The following UHRF1 variants were observed in gnomAD, a reference collection of about 807,000 sequenced individuals.
UHRF1 encodes ubiquitin like with PHD and ring finger domains 1, also known as E3 ubiquitin-protein ligase UHRF1.
UHRF1 carries 9 observed loss-of-function variants against 96.5 expected under a neutral mutation model. The observed-to-expected ratio is 0.09, with a 90% CI of 0.06 to 0.16. The LOEUF is 0.16. Among genes scored for constraint, UHRF1 ranks in the 10% least tolerant of loss-of-function variants. UHRF1 has a pLI of 1.00. For missense variants in UHRF1, 626 were observed against 1,131.1 expected, an observed-to-expected ratio of 0.55 and a Z score of 6.40; for synonymous variants, 455 against 469.9, an observed-to-expected ratio of 0.97 and a Z score of 0.41.
intron 16 of UHRF1, among the ~76,000 whole-genome samples, chr19:4,959,912 G>C (rs2033947269): frequency 6.6e-6 from 1 of 152,218 alleles, no homozygotes; most frequent in African/African-American, 2.4e-5. Context: ...CCAGGCTGGA[G>C]TGCAATGGCG....
chr19:4,953,167 A>G (rs2145209146), intron 13 of UHRF1, among the ~76,000 whole-genome samples: 1 of 152,208 alleles, frequency 6.6e-6, no homozygotes, highest in East Asian at 1.9e-4. Context: ...TCTTGTTCGT[A>G]GTGAAGCTTT....
At chr19:4,939,835 A>C (rs2602720) in intron 5 of UHRF1, among the ~76,000 whole-genome samples, 22 of 151,982 alleles carry the variant, frequency 1.4e-4, no homozygotes, top group Admixed American at 2.6e-4. Context: ...CCATCCTGGC[A>C]AACACGGTGA....
intron 2 of UHRF1, among the ~76,000 whole-genome samples, chr19:4,925,919 C>T (rs543582751): frequency 6.1e-5 from 9 of 147,418 alleles, no homozygotes; most frequent in Admixed American, 2.7e-4. Flanking sequence ...CTTTTTGAGA[C>T]GGAGTTTTGC....
chr19:4,920,189 C>T lies in UHRF1; in HGVS notation c.154-9033C>T, dbSNP rs150218830. On this transcript the variant is annotated intron_variant, in intron 2 of 16. Coordinates refer to ENST00000650932, the MANE Select transcript of UHRF1 (RefSeq NM_001048201.3). The stretch of plus-strand genomic sequence containing the variant: ...GCTCATGCTTGTAATTTCAGCACTT[C>T]GGGAGGCTGAGGCAGGCAGATCACC... Among the ~76,000 whole-genome samples, 1,179 of 152,124 alleles carry T rather than the reference C, an allele frequency of 7.8e-3. 6 individuals carry two copies. The highest frequency in any genetic ancestry group is 0.017 in the Middle Eastern group (5 of 294).
chr19:4,909,275 C>T (rs2032148916), upstream of UHRF1: 1 of 528,468 alleles, frequency 1.9e-6, no homozygotes, highest in Non-Finnish European at 3.3e-6. Flanking sequence ...CCAGGCCCTG[C>T]CACGCAGCCC....
chr19:4,942,000 G>A (rs2033419668), intron 7 of UHRF1, 69 bp downstream of exon 7: 1 of 1,402,430 alleles, frequency 7.1e-7, no homozygotes, highest in East Asian at 2.7e-5. Flanking sequence ...GGGCACTGAG[G>A]AGATACAGGA....
At position 4,918,805 on chromosome 19, in the gene UHRF1, C is replaced by T. The variant is rs536182321; in HGVS notation, c.153+7767C>T. ...GCACGATCTTAGCTCACTGCAGCCT[C>T]GAATTCCTGAGCTCAAGTGATCCTC... On this transcript the variant is annotated intron_variant, in intron 2 of 16. Transcript: ENST00000650932. Among the ~76,000 whole-genome samples, 6 of 150,024 alleles carry T rather than the reference C, an allele frequency of 4.0e-5. No homozygotes were observed. The South Asian group carries it at 1.3e-3, about 32-fold the overall frequency.
At chr19:4,933,993 G>T (rs1028642557) in intron 5 of UHRF1, among the ~76,000 whole-genome samples, 1 of 148,044 alleles carries the variant, frequency 6.8e-6, no homozygotes, top group Non-Finnish European at 1.5e-5. Context: ...GTGTGTGTGT[G>T]TGTGATAAAA....
At chr19:4,919,509 A>G (rs1167903504) in intron 2 of UHRF1, among the ~76,000 whole-genome samples, 1 of 151,790 alleles carries the variant, frequency 6.6e-6, no homozygotes, top group East Asian at 1.9e-4. Flanking sequence ...TCACTGTGTT[A>G]GCCAGGATGG....
chr19:4,949,753 C>T (rs959753336), intron 11 of UHRF1, among the ~76,000 whole-genome samples: 3 of 152,140 alleles, frequency 2.0e-5, no homozygotes, highest in African/African-American at 7.2e-5. Context: ...GGGAGGATGG[C>T]TTGAGCCCAG....
At chr19:4,904,560 G>T (rs187737194), upstream of UHRF1, among the ~76,000 whole-genome samples, 395 of 152,158 alleles carry the variant, frequency 2.6e-3, 2 homozygotes, top group South Asian at 0.029. Context: ...TGATCCACCC[G>T]CCTCACTTGG....
intron 5 of UHRF1, among the ~76,000 whole-genome samples, chr19:4,935,605 G>T (rs1410259227): frequency 6.6e-6 from 1 of 151,746 alleles, no homozygotes; most frequent in African/African-American, 2.4e-5. Context: ...CCCACCTGCA[G>T]TTCCTTGCCC....
At chr19:4,911,262 C>T (rs915843774) in intron 2 of UHRF1, among the ~76,000 whole-genome samples, 1 of 152,116 alleles carries the variant, frequency 6.6e-6, no homozygotes, top group Non-Finnish European at 1.5e-5. Flanking sequence ...GGCTGGCCCT[C>T]GAATCTATAG....
At position 4,961,198 on chromosome 19, in the gene UHRF1, G is replaced by A. The variant is rs1024501459; in HGVS notation, c.*395G>A. 4 of 85,904 alleles carry A rather than the reference G, an allele frequency of 4.7e-5. No individual in the cohort carries two copies. The highest frequency in any genetic ancestry group is 1.1e-4 in the African/African-American group (2 of 18,508). 5.3% of individuals were successfully genotyped at this position (85,904 alleles called of 1,614,324 possible). On this transcript the variant is annotated 3_prime_UTR_variant, in exon 17 of 17. Transcript: ENST00000650932. ...AGGCGACAGGATCAGTCCTTCTCTCGGGTTCTGGCCCCCAAGGTCAGAGCA... is the reference window on the plus strand; with the variant it reads ...AGGCGACAGGATCAGTCCTTCTCTCAGGTTCTGGCCCCCAAGGTCAGAGCA...
upstream of UHRF1, among the ~76,000 whole-genome samples, chr19:4,907,014 A>C (rs2032077913): frequency 1.3e-5 from 2 of 152,210 alleles, no homozygotes; most frequent in Non-Finnish European, 2.9e-5. Context: ...CTGAGGTTGC[A>C]AACAGTGAAC....
intron 7 of UHRF1, among the ~76,000 whole-genome samples, chr19:4,943,752 G>A (rs2033480616): frequency 6.6e-6 from 1 of 152,030 alleles, no homozygotes; most frequent in Non-Finnish European, 1.5e-5. Context: ...CTGGTTTCAA[G>A]CGATTCTCCT....
Position 4,944,394 on chromosome 19 carries a change from C to T in UHRF1, c.1249C>T (p.His417Tyr), listed in dbSNP as rs750542428. The T allele has an allele frequency of 6.2e-7, 1 of 1,614,086 alleles. No individual in the cohort carries two copies. The highest frequency in any genetic ancestry group is 1.1e-5 in the South Asian group (1 of 91,092). ...TKECTIVPSN[H>Y]YGPIPGIPVG... The stretch of plus-strand genomic sequence containing the variant: ...GGAATGTACCATCGTCCCGTCCAAC[C>T]ACTACGGACCCATCCCGGGGATCCC... The change falls in exon 9 of 17, where the codon CAC becomes TAC. Residue 417 changes from histidine to tyrosine, a missense_variant. Coordinates refer to ENST00000650932, the MANE Select transcript of UHRF1 (RefSeq NM_001048201.3).
intron 7 of UHRF1, among the ~76,000 whole-genome samples, chr19:4,943,743 T>C (rs1337257809): frequency 3.9e-5 from 6 of 152,032 alleles, no homozygotes; most frequent in Admixed American, 6.6e-5. Flanking sequence ...CTCTGCCTCC[T>C]GGTTTCAAGC....
chr19:4,939,080 A>AT (rs34135103), intron 5 of UHRF1, among the ~76,000 whole-genome samples: 29,713 of 147,812 alleles, frequency 0.2, 3,112 homozygotes, highest in Middle Eastern at 0.3. Context: ...CACCTGGCTC[A>AT]TTTTTTTTTG....
Sources: gnomAD v4.1 joint callset for allele counts (sites outside exome capture counted in the v4.1 genomes callset) on GRCh38, gnomAD v4.1.1 for gene constraint, MANE v1.5 for transcripts, NCBI Gene and HGNC (gene_info 2026-07-23, HGNC 2026-07-21) for gene names.